The following GALNT18 variants were observed in gnomAD, a reference collection of about 807,000 sequenced individuals.
GALNT18 encodes GalNAc-transferase 18.
GALNT18 carries 44 observed loss-of-function variants against 69.5 expected under a neutral mutation model. The observed-to-expected ratio is 0.63, with a 90% CI of 0.50 to 0.81. The LOEUF (loss-of-function observed/expected upper bound fraction) is 0.81. GALNT18 is among the 40% of genes least tolerant of loss of function. The pLI is 0.00. For synonymous variants in GALNT18, 364 were observed against 318.2 expected (o/e 1.14, Z -1.53); for missense variants, 715 against 810.0 (o/e 0.88, Z 1.42).
chr11:11,569,466 A>C (rs7121637), intron 1 of GALNT18, among the ~76,000 whole-genome samples: 139,873 of 152,194 alleles, frequency 0.92, 64,299 homozygotes, highest in South Asian at 0.94. Context: ...TCTCATGTTT[A>C]TCACATCCTC....
chr11:11,442,889 T>G (rs1855563665), intron 2 of GALNT18, among the ~76,000 whole-genome samples: 1 of 152,158 alleles, frequency 6.6e-6, no homozygotes, highest in Non-Finnish European at 1.5e-5. Context: ...GCAAAGTCAT[T>G]ACTGATAAGG....
chr11:11,392,989 C>A (rs942460022), intron 3 of GALNT18, among the ~76,000 whole-genome samples: 1 of 152,190 alleles, frequency 6.6e-6, no homozygotes, highest in Non-Finnish European at 1.5e-5. Flanking sequence ...TTCTTAGAAC[C>A]TCTGCATGCT....
intron 1 of GALNT18, among the ~76,000 whole-genome samples, chr11:11,599,310 T>C (rs1859577499): frequency 6.6e-6 from 1 of 152,136 alleles, no homozygotes. Flanking sequence ...AATTTCTATA[T>C]CCTCCTTATG....
chr11:11,275,890 ATC>A (rs1848934143), intron 10 of GALNT18, among the ~76,000 whole-genome samples: 2 of 152,068 alleles, frequency 1.3e-5, no homozygotes, highest in Non-Finnish European at 2.9e-5. Context: ...CCATTGGTCT[ATC>A]TCTCTGTTTT....
intron 2 of GALNT18, among the ~76,000 whole-genome samples, chr11:11,442,791 C>T (rs1183518308): frequency 6.6e-6 from 1 of 152,216 alleles, no homozygotes; most frequent in Non-Finnish European, 1.5e-5. Context: ...TAGCCCCACG[C>T]CCTAACCCAC....
At chr11:11,518,529 T>G (rs1346836984) in intron 1 of GALNT18, among the ~76,000 whole-genome samples, 1 of 152,180 alleles carries the variant, frequency 6.6e-6, no homozygotes, top group Non-Finnish European at 1.5e-5. Context: ...AGGGTTGGTT[T>G]TCTACTAAAA....
At chr11:11,558,645 C>T (rs779293204) in intron 1 of GALNT18, among the ~76,000 whole-genome samples, 3 of 152,200 alleles carry the variant, frequency 2.0e-5, no homozygotes, top group Non-Finnish European at 4.4e-5. Flanking sequence ...TGGCTGGGAG[C>T]CCCTGCAGCC....
rs1850203756 is a variant in GALNT18 at position 11,341,358 on chromosome 11, C to T, written c.1093-354G>A. On this transcript the variant is annotated intron_variant, in intron 6 of 10. Coordinates refer to ENST00000227756, the MANE Select transcript of GALNT18 (RefSeq NM_198516.3). The surrounding 1 kb of genome is among the most constrained non-coding windows in gnomAD (Gnocchi z 6.3). ...ACTTGGGGGAGAAGTTAACAAAACC[C>T]TTGATGATAGTCTGCAGCAGTGGTT... Among the ~76,000 whole-genome samples the T allele has an allele frequency of 6.6e-6, 1 of 152,126 alleles. No individual in the cohort carries two copies. Among genetic ancestry groups the T allele is most frequent in the South Asian group, 2.1e-4 (1 of 4,834 alleles).
rs558594221 is a variant in GALNT18 at position 11,506,979 on chromosome 11, G to A, written c.236-58043C>T. Reference sequence around the variant, plus strand: ...GTACAGGACAAAACCCTTCAGGGTCGCTCCCAATAGAAAGAGCACCTGCAA... The same window carrying A: ...GTACAGGACAAAACCCTTCAGGGTCACTCCCAATAGAAAGAGCACCTGCAA... On this transcript the variant is annotated intron_variant, in intron 1 of 10. Transcript: ENST00000227756. Among the ~76,000 whole-genome samples, 210 of 152,246 alleles carry A rather than the reference G, an allele frequency of 1.4e-3. 2 individuals are homozygous for A. Among genetic ancestry groups the A allele is most frequent in the Admixed American group, 4.3e-3 (66 of 15,294 alleles).
At chr11:11,353,765 A>T (rs1044532578) in intron 6 of GALNT18, among the ~76,000 whole-genome samples, 1 of 152,174 alleles carries the variant, frequency 6.6e-6, no homozygotes, top group Non-Finnish European at 1.5e-5. Context: ...GGGTGTTGCC[A>T]TGATAAGCCA....
intron 10 of GALNT18, among the ~76,000 whole-genome samples, chr11:11,281,424 C>T (rs780210891): frequency 6.6e-6 from 1 of 152,168 alleles, no homozygotes; most frequent in Non-Finnish European, 1.5e-5. Flanking sequence ...GTGACCAAAG[C>T]GCACAACAAA....
chr11:11,275,716 G>T (rs1848929703), intron 10 of GALNT18, among the ~76,000 whole-genome samples: 1 of 152,190 alleles, frequency 6.6e-6, no homozygotes, highest in Non-Finnish European at 1.5e-5. Context: ...TGTAGAAGAT[G>T]TAAGGAAGGG....
At chr11:11,438,908 G>A (rs532995661) in intron 2 of GALNT18, among the ~76,000 whole-genome samples, 6 of 152,270 alleles carry the variant, frequency 3.9e-5, no homozygotes, top group Middle Eastern at 3.4e-3. Context: ...GTACAATCCC[G>A]GTGACTCCTT....
Position 11,345,027 on chromosome 11 carries a change from C to T in GALNT18, c.1093-4023G>A, listed in dbSNP as rs368991701. Among the ~76,000 whole-genome samples, 9 of 152,262 alleles carry T rather than the reference C, an allele frequency of 5.9e-5. No homozygotes were observed. In the South Asian group the frequency reaches 6.2e-4, roughly 11 times the overall value. On this transcript the variant is annotated intron_variant, in intron 6 of 10. Coordinates refer to ENST00000227756, the MANE Select transcript of GALNT18 (RefSeq NM_198516.3). ...AATTATTACGTTGCTGCTATTTGGA[C>T]GGTCCTGTACACCCACCTTTGGGGA...
In GALNT18 at chr11:11,383,816, C is replaced by CCTCT. The variant is rs145122557; in HGVS notation, c.596-4556_596-4553dup. 0.17 allele frequency among the ~76,000 whole-genome samples: 25,594 copies of CCTCT among 147,598 alleles called. 2,238 individuals are homozygous for CCTCT. Among genetic ancestry groups the CCTCT allele is most frequent in the African/African-American group, 0.22 (8,792 of 39,968 alleles). ...ATCTGATGGTTTAAGTGTGGCACTT[C>CCTCT]CTCTCTCTCTCTCTCTCTCTCTCTG... On this transcript the variant is annotated intron_variant, in intron 3 of 10. Transcript: ENST00000227756. This position sits in a 1 kb window ranked among gnomAD's most constrained non-coding sequence, Gnocchi z 5.2.
intron 9 of GALNT18, among the ~76,000 whole-genome samples, chr11:11,304,091 T>C (rs953894198): frequency 6.6e-6 from 1 of 152,098 alleles, no homozygotes; most frequent in African/African-American, 2.4e-5. Flanking sequence ...ATTTAAAACC[T>C]GAAAAGGAAA....
At chr11:11,501,396 G>C (rs1856969521) in intron 1 of GALNT18, among the ~76,000 whole-genome samples, 1 of 152,188 alleles carries the variant, frequency 6.6e-6, no homozygotes, top group Non-Finnish European at 1.5e-5. Context: ...ATTTTAAATG[G>C]TGAAAATAGC....
At chr11:11,403,600 G>A (rs548394313) in intron 3 of GALNT18, among the ~76,000 whole-genome samples, 15 of 152,276 alleles carry the variant, frequency 9.9e-5, no homozygotes, top group South Asian at 6.2e-4. Context: ...CCTTCTGAAA[G>A]TCCCCAAGGG....
rs539424731 is a variant in GALNT18, at chr11:11,601,496, G to T, written c.235+19863C>A. Among the ~76,000 whole-genome samples, 8 of 152,260 alleles carry T rather than the reference G, an allele frequency of 5.3e-5. No homozygotes were observed. The South Asian group carries it at 1.5e-3, about 28-fold the overall frequency. ...TATCTCCCTGTTACATTTCTGGCTG[G>T]ACTGCCCGATTGGTTTCACCTCCAG... is the stretch of plus-strand genomic sequence containing the variant. On this transcript the variant is annotated intron_variant, in intron 1 of 10. Transcript: ENST00000227756. This position sits in a 1 kb window ranked among gnomAD's most constrained non-coding sequence, Gnocchi z 4.0.
Sources: gnomAD v4.1 joint callset for allele counts (sites outside exome capture counted in the v4.1 genomes callset) on GRCh38, gnomAD v4.1.1 for gene constraint, Gnocchi (gnomAD v3.1) non-coding constraint, MANE v1.5 for transcripts, NCBI Gene and HGNC (gene_info 2026-07-23, HGNC 2026-07-21) for gene names.